Variants in C12orf56 observed in about 807,000 individuals in gnomAD.
C12orf56 encodes the protein uncharacterized protein C12orf56.
C12orf56 carries 71 observed loss-of-function variants against 69.9 expected under a neutral mutation model. That is an observed-to-expected ratio of 1.02 (90% confidence interval 0.84 to 1.24). The LOEUF (loss-of-function observed/expected upper bound fraction) is 1.24. Ranked by LOEUF, C12orf56 falls within the 50% of genes most tolerant of loss-of-function variation. The pLI, the probability that C12orf56 is intolerant of heterozygous loss-of-function variation, is 0.00. For synonymous variants in C12orf56, 276 were observed against 274.1 expected (o/e 1.01, Z -0.07); for missense variants, 732 against 738.5 (o/e 0.99, Z 0.10).
chr12:64,375,573 A>G (rs989803299), intron 1 of C12orf56, among the ~76,000 whole-genome samples: 1 of 152,204 alleles, frequency 6.6e-6, no homozygotes, highest in Non-Finnish European at 1.5e-5. Context: ...AGCCTTGAAG[A>G]TGAGGAGCAT....
intron 2 of C12orf56, among the ~76,000 whole-genome samples, chr12:64,341,180 G>A (rs1019293856): frequency 1.3e-5 from 2 of 152,094 alleles, no homozygotes; most frequent in African/African-American, 2.4e-5. Flanking sequence ...GTCTCCTGGT[G>A]GCAGCATTCC....
chr12:64,352,028 G>T (rs1437799290), intron 2 of C12orf56, among the ~76,000 whole-genome samples: 1 of 152,070 alleles, frequency 6.6e-6, no homozygotes, highest in Non-Finnish European at 1.5e-5. Flanking sequence ...TTAAGATTGG[G>T]CTCAGGGGAA....
chr12:64,313,519 C>T (rs2136827037), intron 4 of C12orf56, among the ~76,000 whole-genome samples: 1 of 151,834 alleles, frequency 6.6e-6, no homozygotes, highest in African/African-American at 2.4e-5. Context: ...TACACTCCAG[C>T]CTGGGCAACA....
intron 2 of C12orf56, chr12:64,338,899 T>C (rs943258364): frequency 3.5e-6 from 2 of 568,470 alleles, no homozygotes; most frequent in African/African-American, 1.9e-5. Flanking sequence ...TTGGTTTCCT[T>C]TACTTTTTGA....
chr12:64,370,143 C>T (rs1365842851), intron 1 of C12orf56, among the ~76,000 whole-genome samples: 1 of 149,990 alleles, frequency 6.7e-6, no homozygotes, highest in Admixed American at 6.7e-5. Flanking sequence ...TCAGTAGTTT[C>T]AGACCAGCCT....
chr12:64,286,337 G>T (rs541656060), intron 6 of C12orf56, among the ~76,000 whole-genome samples: 1 of 152,332 alleles, frequency 6.6e-6, no homozygotes, highest in Admixed American at 6.5e-5. Context: ...AGATCATCCA[G>T]AAGCAGGTGT....
intron 2 of C12orf56, among the ~76,000 whole-genome samples, chr12:64,348,446 AAAAT>A (rs1478552223): frequency 6.6e-6 from 1 of 152,228 alleles, no homozygotes; most frequent in Non-Finnish European, 1.5e-5. Flanking sequence ...TCATTTTGGC[AAAAT>A]AAATAACTTA....
At position 64,318,678 on chromosome 12, in the gene C12orf56, T is replaced by A; in HGVS notation, c.791A>T (p.Asn264Ile). ...NSLLDSPSQS[N>I]SNLEKKESEL... ...TGACTCCTTTTTCTCTAAATTTGAG[T>A]TGCTCTGTGAAGGGGAATCTAAGAG... Residue 264 changes from asparagine (N) to isoleucine (I), a missense_variant, in exon 4 of 13, where the codon AAC becomes ATC. Transcript: ENST00000543942. The A allele has an allele frequency of 6.5e-7, 1 of 1,537,092 alleles. No individual in the cohort carries two copies. Among genetic ancestry groups the A allele is most frequent in the Non-Finnish European group, 8.7e-7 (1 of 1,146,788 alleles).
chr12:64,366,225 TTATATATAATATACAGTTTATATATTA>T, intron 1 of C12orf56, among the ~76,000 whole-genome samples: 3 of 62,136 alleles, frequency 4.8e-5, no homozygotes, highest in Non-Finnish European at 9.7e-5. Context: ...AGTTTATATA[TTATATATAATATACAGTTTATATATTA>T]TATATAATAT....
intron 8 of C12orf56, among the ~76,000 whole-genome samples, chr12:64,280,726 C>T (rs947301165): frequency 6.6e-6 from 1 of 152,142 alleles, no homozygotes; most frequent in Non-Finnish European, 1.5e-5. Flanking sequence ...TGCAAAGAAA[C>T]AAGCCACCTG....
In C12orf56 at chr12:64,312,744, A is replaced by C; in HGVS notation, c.903T>G (p.Thr301=). The change falls in exon 5 of 13, where the codon ACT becomes ACG. Residue 301 remains threonine, a synonymous_variant. Coordinates refer to ENST00000543942, the MANE Select transcript of C12orf56 (RefSeq NM_001170633.2). ...SSWNNYIIKA[T]LLQDPFYASE... is the part of the protein sequence containing the mutation. The stretch of plus-strand genomic sequence containing the variant: ...TAGCATAGAAGGGATCTTGTAAAAG[A>C]GTAGCTTTCTGAAAAAGGAAAAAGT... The C allele has an allele frequency of 6.5e-7, 1 of 1,535,312 alleles. No homozygotes were observed. The highest frequency in any genetic ancestry group is 1.4e-5 in the African/African-American group (1 of 73,054).
intron 2 of C12orf56, among the ~76,000 whole-genome samples, chr12:64,332,229 GGAGA>G: frequency 6.7e-6 from 1 of 150,056 alleles, no homozygotes; most frequent in South Asian, 2.1e-4. Context: ...TCTTGAACTA[GGAGA>G]GAGAGGTTGC....
intron 5 of C12orf56, among the ~76,000 whole-genome samples, chr12:64,310,706 TTTC>T (rs1018860208): frequency 3.5e-5 from 5 of 142,280 alleles, no homozygotes; most frequent in African/African-American, 1.3e-4. Context: ...TTCTTATTTT[TTTC>T]TTCTTCTTTC....
chr12:64,283,908 ATTTTTT>A (rs35345999), intron 8 of C12orf56, among the ~76,000 whole-genome samples: 1 of 133,144 alleles, frequency 7.5e-6, no homozygotes, highest in Non-Finnish European at 1.6e-5. Flanking sequence ...TAGAGTATCT[ATTTTTT>A]TTTTTTTTTT....
At chr12:64,371,735 C>T (rs1324004880) in intron 1 of C12orf56, among the ~76,000 whole-genome samples, 1 of 151,820 alleles carries the variant, frequency 6.6e-6, no homozygotes, top group Non-Finnish European at 1.5e-5. Context: ...GAGGCCGAGG[C>T]AGGAGAATTG....
chr12:64,338,646 T>G, intron 2 of C12orf56: 1 of 1,593,174 alleles, frequency 6.3e-7, no homozygotes, highest in Non-Finnish European at 8.6e-7. Context: ...ATCTTTAGTC[T>G]TTGGGTTTGC....
Position 64,274,939 on chromosome 12 carries a change from T to A in C12orf56, c.1546A>T (p.Ser516Cys), listed in dbSNP as rs1189265421. The A allele has an allele frequency of 2.5e-6, 4 of 1,612,778 alleles. No homozygotes were observed. The highest frequency in any genetic ancestry group is 2.5e-6 in the Non-Finnish European group (3 of 1,178,992). ...CTTTGTAGAAAGGACATTATCCAGC[T>A]AATAGCAAACTTTGTGGATCCCAAT... ...LGLGSTKFAISWIMSFLQSCP... is the reference protein window; with the variant it reads ...LGLGSTKFAICWIMSFLQSCP... Residue 516 changes from serine (S) to cysteine (C), a missense_variant, in exon 11 of 13, where the codon AGC (serine) becomes TGC (cysteine). Transcript: ENST00000543942.
chr12:64,379,927 CAAAAAAAAAAAAA>C (rs200293677), intron 1 of C12orf56, among the ~76,000 whole-genome samples: 1 of 114,128 alleles, frequency 8.8e-6, no homozygotes, highest in Non-Finnish European at 1.6e-5. Context: ...ACTAAAAATA[CAAAAAAAAAAAAA>C]AAAAAAAAAA....
At chr12:64,326,536 A>C (rs1565757409) in intron 3 of C12orf56, among the ~76,000 whole-genome samples, 1 of 152,140 alleles carries the variant, frequency 6.6e-6, no homozygotes, top group Non-Finnish European at 1.5e-5. Context: ...GGAGTTCGAG[A>C]CCAGCCTGAC....
Sources: allele counts gnomAD v4.1 joint callset (sites outside exome capture counted in the v4.1 genomes callset), GRCh38; gene constraint gnomAD v4.1.1; transcripts MANE v1.5; gene names NCBI Gene and HGNC (gene_info 2026-07-23, HGNC 2026-07-21).